ZNF782: variants seen among roughly 807,000 people sequenced by gnomAD.
ZNF782 encodes the protein zinc finger protein 782.
Under a neutral mutation model 13.0 loss-of-function variants are expected in ZNF782, and 12 were observed. The observed-to-expected ratio is 0.92, with a 90% CI of 0.59 to 1.50. The LOEUF is 1.50. ZNF782 is among the 40% of genes most tolerant of loss of function. ZNF782 has a pLI of 0.00. For synonymous variants in ZNF782, 284 were observed against 283.0 expected, an observed-to-expected ratio of 1.00 and a Z score of -0.04; for missense variants, 770 against 822.9, an observed-to-expected ratio of 0.94 and a Z score of 0.79.
the ZNF782 span, among the ~76,000 whole-genome samples, chr9:96,883,131 C>G: frequency 6.6e-6 from 1 of 152,122 alleles, no homozygotes; most frequent in African/African-American, 2.4e-5. Context: ...AGCAGCTAGA[C>G]ATCGAAACAA....
intron 1 of ZNF782, among the ~76,000 whole-genome samples, chr9:96,868,200 C>T (rs532654549): frequency 6.6e-6 from 1 of 152,272 alleles, no homozygotes; most frequent in Non-Finnish European, 1.5e-5. Context: ...TCAGGCTTTC[C>T]AATTTAGGAA....
chr9:96,869,648 G>A (rs1386485576), intron 1 of ZNF782, among the ~76,000 whole-genome samples: 1 of 152,188 alleles, frequency 6.6e-6, no homozygotes, highest in Non-Finnish European at 1.5e-5. Context: ...GACTTTCGGT[G>A]AGTACACAGC....
intron 4 of ZNF782, among the ~76,000 whole-genome samples, chr9:96,840,419 G>A (rs1273815472): frequency 6.6e-6 from 1 of 151,718 alleles, no homozygotes; most frequent in Non-Finnish European, 1.5e-5. Context: ...AATTTTCTTT[G>A]AAAAAGTAAA....
At chr9:96,866,339 A>G (rs1851753817) in intron 1 of ZNF782, among the ~76,000 whole-genome samples, 1 of 152,204 alleles carries the variant, frequency 6.6e-6, no homozygotes, top group African/African-American at 2.4e-5. Flanking sequence ...GGGCCAAAAT[A>G]CAGCTTGGGC....
chr9:96,835,343 G>T (rs550134437), intron 4 of ZNF782, among the ~76,000 whole-genome samples: 1 of 152,344 alleles, frequency 6.6e-6, no homozygotes, highest in South Asian at 2.1e-4. Context: ...AGAGAATGAA[G>T]GAGAATTTTT....
rs973350941 is a variant in ZNF782 at position 96,817,723 on chromosome 9, T to C, written c.*200A>G. 8 of 495,322 alleles carry C rather than the reference T, an allele frequency of 1.6e-5. No individual in the cohort carries two copies. The highest frequency in any genetic ancestry group is 1.2e-4 in the African/African-American group (6 of 50,542). The allele number at this position is 495,322 out of a possible 1,614,324, so 30.7% of individuals were successfully genotyped here. ...TGAGTTCTGTATATCCATAGAAGAC[T>C]GGGCTCTGGCTGAAAGAATGCCCAT... is the stretch of plus-strand genomic sequence containing the variant. On this transcript the variant is annotated 3_prime_UTR_variant, in exon 6 of 6. Transcript: ENST00000481138.
intron 4 of ZNF782, among the ~76,000 whole-genome samples, chr9:96,828,192 A>G (rs142877806): frequency 9.8e-5 from 15 of 152,344 alleles, no homozygotes; most frequent in African/African-American, 3.6e-4. Flanking sequence ...CAGGAAGTTT[A>G]TATCATCACC....
chr9:96,819,578 T>A lies in ZNF782; in HGVS notation c.445A>T (p.Ser149Cys). 6.2e-7 allele frequency: 1 copy of A among 1,613,852 alleles called. No individual in the cohort carries two copies. The highest frequency in any genetic ancestry group is 8.5e-7 in the Non-Finnish European group (1 of 1,179,944). Residue 149 changes from serine to cysteine, a missense_variant, in exon 6 of 6, where the codon AGC (serine) becomes TGC (cysteine). Ser to Cys is a moderately radical substitution (Grantham distance 112, BLOSUM62 -1). Coordinates refer to ENST00000481138, the MANE Select transcript of ZNF782 (RefSeq NM_001001662.3). ...TACTGACAGTGTGGGGCCATCAGGC[T>A]GAGCCCCTGGCAAGCAGACCCCGCA... Reference protein sequence around the residue: ...DIAGSACQGLSLMAPHCQYSK... With the variant: ...DIAGSACQGLCLMAPHCQYSK...
the ZNF782 span, chr9:96,891,529 A>T: frequency 6.6e-6 from 1 of 150,856 alleles, no homozygotes; most frequent in African/African-American, 2.4e-5. Flanking sequence ...ATGTTCCCTC[A>T]TGGCCCTTCC....
In ZNF782 at chr9:96,818,489, C is replaced by T. The variant is rs1850259614; in HGVS notation, c.1534G>A (p.Gly512Arg). Residue 512 changes from glycine to arginine, a missense_variant, in exon 6 of 6, where the codon GGG becomes AGG. Transcript: ENST00000481138. ...GERPYKCDEC[G>R]KAFKLKSGLR... is the part of the protein sequence containing the mutation. Reference sequence around the variant, plus strand: ...CCTGACTTCAGTTTGAAAGCTTTCCCACATTCATCACATTTATATGGTCTT... The same window carrying T: ...CCTGACTTCAGTTTGAAAGCTTTCCTACATTCATCACATTTATATGGTCTT... 1.2e-6 allele frequency: 2 copies of T among 1,613,894 alleles called. No individual in the cohort carries two copies. Among genetic ancestry groups the T allele is most frequent in the Admixed American group, 1.7e-5 (1 of 60,002 alleles).
At chr9:96,869,321 T>G (rs924213584) in intron 1 of ZNF782, among the ~76,000 whole-genome samples, 4 of 152,260 alleles carry the variant, frequency 2.6e-5, no homozygotes, top group Non-Finnish European at 5.9e-5. Flanking sequence ...GTTTTCCTTT[T>G]GAACTGCTAC....
chr9:96,911,145 C>G, the ZNF782 span, among the ~76,000 whole-genome samples: 2 of 146,780 alleles, frequency 1.4e-5, no homozygotes, highest in Non-Finnish European at 3.0e-5. Flanking sequence ...AAAAAAAAAA[C>G]TTGTAAAAAA....
chr9:96,866,119 T>C (rs2118872221), intron 1 of ZNF782, among the ~76,000 whole-genome samples: 1 of 152,324 alleles, frequency 6.6e-6, no homozygotes, highest in Admixed American at 6.5e-5. Context: ...GAAATTTGCA[T>C]AAGTAATGAG....
chr9:96,903,955 T>A, the ZNF782 span, among the ~76,000 whole-genome samples: 1 of 151,978 alleles, frequency 6.6e-6, no homozygotes, highest in South Asian at 2.1e-4. Context: ...CTGCCAAGTG[T>A]TCTTCCAGAG....
intron 1 of ZNF782, among the ~76,000 whole-genome samples, chr9:96,872,485 C>T (rs528690793): frequency 2.0e-5 from 3 of 151,344 alleles, no homozygotes; most frequent in East Asian, 1.9e-4. Flanking sequence ...GAGCCAAGAT[C>T]GCGCCACTGC....
the ZNF782 span, among the ~76,000 whole-genome samples, chr9:96,898,460 T>C: frequency 6.7e-6 from 1 of 148,840 alleles, no homozygotes; most frequent in African/African-American, 2.5e-5. Flanking sequence ...TGGATTCATC[T>C]ACATTGTCAA....
At chr9:96,920,141 T>A in the ZNF782 span, among the ~76,000 whole-genome samples, 1 of 150,154 alleles carries the variant, frequency 6.7e-6, no homozygotes, top group Non-Finnish European at 1.5e-5. Context: ...TTCCTAATAG[T>A]TGTATTTTAG....
At chr9:96,849,446 G>T (rs1191746199) in intron 3 of ZNF782, among the ~76,000 whole-genome samples, 1 of 152,178 alleles carries the variant, frequency 6.6e-6, no homozygotes, top group East Asian at 1.9e-4. Context: ...AATGGTGCTG[G>T]TAAAAGTGGC....
chr9:96,871,095 T>C (rs374893572), intron 1 of ZNF782, among the ~76,000 whole-genome samples: 4 of 152,130 alleles, frequency 2.6e-5, no homozygotes, highest in Admixed American at 6.6e-5. Context: ...TATTAAAAGA[T>C]GTTTTCATAG....
Sources: gnomAD v4.1 joint callset for allele counts (sites outside exome capture counted in the v4.1 genomes callset) on GRCh38, gnomAD v4.1.1 for gene constraint, MANE v1.5 for transcripts, NCBI Gene and HGNC (gene_info 2026-07-23, HGNC 2026-07-21) for gene names.